The following SPATS2 variants were observed in gnomAD, a reference collection of about 807,000 sequenced individuals.
SPATS2 encodes spermatogenesis associated serine rich 2.
Under a neutral mutation model 63.7 loss-of-function variants are expected in SPATS2, and 38 were observed. That is an observed-to-expected ratio of 0.60 (90% confidence interval 0.46 to 0.78). The LOEUF is 0.78. SPATS2 is among the 30% of genes least tolerant of loss of function. The pLI is 0.00. For missense variants in SPATS2, 588 were observed against 666.2 expected (o/e 0.88, Z 1.29); for synonymous variants, 207 against 232.9 (o/e 0.89, Z 1.01).
intron 9 of SPATS2, 127 bp downstream of exon 9, chr12:49,500,332 A>G (rs966563419): frequency 9.1e-6 from 10 of 1,102,772 alleles, no homozygotes; most frequent in African/African-American, 1.6e-5. Flanking sequence ...TATAAATCCT[A>G]TGGTATATTT....
intron 2 of SPATS2, among the ~76,000 whole-genome samples, chr12:49,401,298 A>G (rs1415353995): frequency 6.6e-6 from 1 of 152,208 alleles, no homozygotes; most frequent in African/African-American, 2.4e-5. Flanking sequence ...GGCATGAGCC[A>G]CTGCATCTGG....
At chr12:49,449,435 C>G (rs531273041) in intron 2 of SPATS2, among the ~76,000 whole-genome samples, 5 of 152,122 alleles carry the variant, frequency 3.3e-5, no homozygotes, top group Non-Finnish European at 5.9e-5. Context: ...AGGCTGATCT[C>G]GAACTCCTGA....
At chr12:49,481,717 C>G (rs1013634267) in intron 3 of SPATS2, among the ~76,000 whole-genome samples, 2 of 152,024 alleles carry the variant, frequency 1.3e-5, no homozygotes, top group African/African-American at 4.8e-5. Context: ...CCCGCCTCAG[C>G]CTCCCAAAGT....
intron 2 of SPATS2, among the ~76,000 whole-genome samples, chr12:49,459,623 C>A (rs1391694607): frequency 6.7e-6 from 1 of 149,550 alleles, no homozygotes; most frequent in Non-Finnish European, 1.5e-5. Context: ...GCTGGGATTA[C>A]AGGCGTGAGC....
At chr12:49,506,606 A>G (rs1946658556) in intron 9 of SPATS2, among the ~76,000 whole-genome samples, 1 of 152,196 alleles carries the variant, frequency 6.6e-6, no homozygotes, top group South Asian at 2.1e-4. Flanking sequence ...AAACCATATC[A>G]GAGGCCAAGG....
rs75264412 is a variant in SPATS2 at position 49,438,811 on chromosome 12, T to G, written c.-243-21959T>G. On this transcript the variant is annotated intron_variant, in intron 2 of 13. Transcript: ENST00000552918. ...TACTCTTCATTCATTCATTCATTCA[T>G]TCAGTCAGCCAGCTAATTTACTGTC... 8.3e-3 allele frequency among the ~76,000 whole-genome samples: 1,262 copies of G among 152,246 alleles called. 12 individuals are homozygous for G. Among genetic ancestry groups the G allele is most frequent in the African/African-American group, 0.027 (1,142 of 41,532 alleles).
intron 2 of SPATS2, among the ~76,000 whole-genome samples, chr12:49,457,744 T>C (rs1477140134): frequency 6.6e-6 from 1 of 152,200 alleles, no homozygotes; most frequent in African/African-American, 2.4e-5. Context: ...CATCCTGTTT[T>C]CTTTAACCTG....
chr12:49,489,086 A>T (rs1435290055), intron 4 of SPATS2, among the ~76,000 whole-genome samples: 2 of 152,202 alleles, frequency 1.3e-5, no homozygotes, highest in African/African-American at 4.8e-5. Flanking sequence ...CTTACATAAA[A>T]ATCTAAGTTG....
At chr12:49,419,026 G>A (rs1343915328) in intron 2 of SPATS2, among the ~76,000 whole-genome samples, 1 of 152,054 alleles carries the variant, frequency 6.6e-6, no homozygotes, top group Non-Finnish European at 1.5e-5. Flanking sequence ...TGTTTTACCT[G>A]CATTCTTTTC....
chr12:49,493,058 A>G lies in SPATS2; in HGVS notation c.265-1683A>G, dbSNP rs1592453920. On this transcript the variant is annotated intron_variant, in intron 6 of 13. Transcript: ENST00000552918. ...GGTTGCAGTGAGCCGAGATTGCACCATTGCACTCCAGCCTGGGCAACAAGA... is the reference window on the plus strand; with the variant it reads ...GGTTGCAGTGAGCCGAGATTGCACCGTTGCACTCCAGCCTGGGCAACAAGA... Among the ~76,000 whole-genome samples the G allele has an allele frequency of 3.3e-5, 5 of 150,814 alleles. No individual in the cohort carries two copies. In the Middle Eastern group the frequency reaches 0.014, roughly 416 times the overall value.
At chr12:49,505,291 T>C (rs1162653702) in intron 9 of SPATS2, among the ~76,000 whole-genome samples, 1 of 152,180 alleles carries the variant, frequency 6.6e-6, no homozygotes, top group Non-Finnish European at 1.5e-5. Flanking sequence ...TCTAAATCAT[T>C]CTTTGGTTTT....
chr12:49,482,022 T>C (rs1444936788), intron 3 of SPATS2, among the ~76,000 whole-genome samples: 3 of 152,218 alleles, frequency 2.0e-5, no homozygotes, highest in African/African-American at 7.2e-5. Context: ...GAATTAAAAA[T>C]TACTTTCTGT....
At chr12:49,464,388 G>A (rs1945872387) in intron 3 of SPATS2, among the ~76,000 whole-genome samples, 1 of 151,352 alleles carries the variant, frequency 6.6e-6, no homozygotes, top group South Asian at 2.1e-4. Flanking sequence ...GGGAGGACAA[G>A]GTGGGCAGAT....
intron 2 of SPATS2, among the ~76,000 whole-genome samples, chr12:49,415,165 C>T (rs1198066409): frequency 1.3e-5 from 2 of 151,726 alleles, no homozygotes; most frequent in African/African-American, 2.4e-5. Flanking sequence ...CTCCTGACCA[C>T]CTGATCTGCC....
intron 2 of SPATS2, among the ~76,000 whole-genome samples, chr12:49,420,667 G>A (rs1944964695): frequency 1.3e-5 from 2 of 152,176 alleles, no homozygotes; most frequent in East Asian, 1.9e-4. Flanking sequence ...CCAGTAAGAA[G>A]TTAAAATGGT....
intron 2 of SPATS2, among the ~76,000 whole-genome samples, chr12:49,439,295 AG>A (rs1427373081): frequency 4.6e-4 from 70 of 152,154 alleles, no homozygotes; most frequent in African/African-American, 1.7e-3. Flanking sequence ...CAGGTCAGGT[AG>A]GGCTTGCTGG....
chr12:49,430,336 A>C (rs1375870062), intron 2 of SPATS2, among the ~76,000 whole-genome samples: 1 of 151,768 alleles, frequency 6.6e-6, no homozygotes, highest in Non-Finnish European at 1.5e-5. Flanking sequence ...CCCTGACCTG[A>C]AATGATCCGC....
chr12:49,411,675 TAG>T (rs1462151426), intron 2 of SPATS2, among the ~76,000 whole-genome samples: 2 of 152,298 alleles, frequency 1.3e-5, no homozygotes, highest in East Asian at 3.9e-4. Flanking sequence ...TTTGACAGTC[TAG>T]GAAAAAGTGA....
intron 2 of SPATS2, among the ~76,000 whole-genome samples, chr12:49,443,568 TA>T (rs202090772): frequency 1.1e-4 from 16 of 150,826 alleles, no homozygotes; most frequent in Non-Finnish European, 1.6e-4. Context: ...GAACTCTCAC[TA>T]AAAAAAAATC....
Sources: gnomAD v4.1 joint callset for allele counts (sites outside exome capture counted in the v4.1 genomes callset) on GRCh38, gnomAD v4.1.1 for gene constraint, MANE v1.5 for transcripts, NCBI Gene and HGNC (gene_info 2026-07-23, HGNC 2026-07-21) for gene names.